EYA2: variants seen among roughly 807,000 people sequenced by gnomAD.
The protein encoded by EYA2 is EYA transcriptional coactivator and phosphatase 2, also known as protein phosphatase EYA2.
Under a neutral mutation model 69.2 loss-of-function variants are expected in EYA2, and 31 were observed. The ratio of observed to expected loss-of-function variants is 0.45; its 90% CI spans 0.34 to 0.60. The LOEUF (loss-of-function observed/expected upper bound fraction) is 0.60. Among genes scored for constraint, EYA2 ranks in the 20% least tolerant of loss-of-function variants. The probability of loss-of-function intolerance (pLI) is 0.02; values close to 1 mark genes in which losing one functional copy is unlikely to be tolerated. For missense variants in EYA2, 622 were observed against 701.2 expected (o/e 0.89, Z 1.28); for synonymous variants, 257 against 279.4 (o/e 0.92, Z 0.80).
chr20:46,938,356 A>G (rs554977450), intron 1 of EYA2, among the ~76,000 whole-genome samples: 1 of 152,378 alleles, frequency 6.6e-6, no homozygotes, highest in African/African-American at 2.4e-5. Context: ...GTGCAGTAGT[A>G]TCTATTACTG....
At chr20:47,080,654 A>G (rs34829233) in intron 7 of EYA2, among the ~76,000 whole-genome samples, 134,684 of 152,170 alleles carry the variant, frequency 0.89, 60,874 homozygotes, top group Non-Finnish European at 0.98. Flanking sequence ...ACACACCTGA[A>G]ACTGAGCAGT....
At position 46,904,071 on chromosome 20, in the gene EYA2, C is replaced by T. The variant is rs951468070; in HGVS notation, c.-11+9084C>T. Reference sequence around the variant, plus strand: ...TGGGCAGTGGTCGATAGCACAGGCCCTGGACTCAGACAGATCTGGCCTGAG... The same window carrying T: ...TGGGCAGTGGTCGATAGCACAGGCCTTGGACTCAGACAGATCTGGCCTGAG... On this transcript the variant is annotated intron_variant, in intron 1 of 15. Transcript: ENST00000327619. Among the ~76,000 whole-genome samples the T allele has an allele frequency of 3.3e-5, 5 of 152,274 alleles. No individual in the cohort carries two copies. In the East Asian group the frequency reaches 5.8e-4, roughly 18 times the overall value.
At chr20:46,958,191 G>C (rs1474373544) in intron 1 of EYA2, among the ~76,000 whole-genome samples, 1 of 152,188 alleles carries the variant, frequency 6.6e-6, no homozygotes, top group Non-Finnish European at 1.5e-5. Flanking sequence ...GGGTTCAGCT[G>C]CGCCTGTGTC....
chr20:47,047,827 G>T (rs1011186151), intron 5 of EYA2, among the ~76,000 whole-genome samples: 13 of 152,176 alleles, frequency 8.5e-5, no homozygotes, highest in African/African-American at 2.7e-4. Flanking sequence ...AAATCAAGGT[G>T]TTGGCAGGGC....
Position 47,045,973 on chromosome 20 carries a change from G to A in EYA2, c.416-26212G>A, listed in dbSNP as rs562878169. Among the ~76,000 whole-genome samples the A allele has an allele frequency of 1.1e-3, 162 of 152,260 alleles. 1 individual carries two copies. Among genetic ancestry groups the A allele is most frequent in the Non-Finnish European group, 1.8e-3 (122 of 68,020 alleles). On this transcript the variant is annotated intron_variant, in intron 5 of 15. Coordinates refer to ENST00000327619, the MANE Select transcript of EYA2 (RefSeq NM_005244.5). ...CGACAGCTAACATCTTAAGGCTAAC[G>A]TCTAAGTCCATTTGGGCTGCTATAA...
chr20:47,093,396 GT>G (rs375682398), intron 8 of EYA2, among the ~76,000 whole-genome samples: 7 of 152,350 alleles, frequency 4.6e-5, no homozygotes, highest in Admixed American at 2.0e-4. Flanking sequence ...GTGAAATGTA[GT>G]TTTATTTAGC....
chr20:47,087,832 C>T (rs1035342365), intron 7 of EYA2, among the ~76,000 whole-genome samples: 1 of 152,260 alleles, frequency 6.6e-6, no homozygotes, highest in Non-Finnish European at 1.5e-5. Context: ...TTCAAGTCAC[C>T]TCCTAACTGC....
At chr20:47,074,099 C>T (rs547319639) in intron 6 of EYA2, 59 bp from the exon 7 acceptor site, 42 of 1,471,912 alleles carry the variant, frequency 2.9e-5, no homozygotes, top group African/African-American at 8.4e-5. Flanking sequence ...GGCTGACCAA[C>T]GGCCCGAGCC....
chr20:47,105,767 A>T (rs2032559475), intron 9 of EYA2, among the ~76,000 whole-genome samples: 1 of 152,106 alleles, frequency 6.6e-6, no homozygotes, highest in African/African-American at 2.4e-5. Context: ...CAGGGCCAGG[A>T]TTAGCCTTTT....
At chr20:46,935,428 T>C (rs558052768) in intron 1 of EYA2, among the ~76,000 whole-genome samples, 22 of 152,336 alleles carry the variant, frequency 1.4e-4, no homozygotes, top group Non-Finnish European at 2.4e-4. Context: ...GGGATAGTGT[T>C]TGGCGCCTAA....
At chr20:47,124,000 G>A (rs1039307945) in intron 9 of EYA2, among the ~76,000 whole-genome samples, 1 of 152,000 alleles carries the variant, frequency 6.6e-6, no homozygotes, top group South Asian at 2.1e-4. Context: ...AAAAAGGTGG[G>A]GGAGTGGGGG....
chr20:46,976,345 A>G lies in EYA2; in HGVS notation c.-10-13656A>G, dbSNP rs181784935. The stretch of plus-strand genomic sequence containing the variant: ...GGCAACACAACAAGGCCCTGTATCT[A>G]TAAAAATAGAATAACTGTTTATGTC... On this transcript the variant is annotated intron_variant, in intron 1 of 15. Transcript: ENST00000327619. Among the ~76,000 whole-genome samples, 213 of 152,304 alleles carry G rather than the reference A, an allele frequency of 1.4e-3. 1 individual carries two copies. The highest frequency in any genetic ancestry group is 6.8e-3 in the Middle Eastern group (2 of 294).
At chr20:46,961,180 C>A (rs1470053285) in intron 1 of EYA2, among the ~76,000 whole-genome samples, 1 of 152,056 alleles carries the variant, frequency 6.6e-6, no homozygotes, top group Non-Finnish European at 1.5e-5. Flanking sequence ...ACTAAAAATA[C>A]AAAAATTAGC....
chr20:47,024,200 A>G (rs1457406777), intron 5 of EYA2, among the ~76,000 whole-genome samples: 2 of 152,202 alleles, frequency 1.3e-5, no homozygotes, highest in Non-Finnish European at 2.9e-5. Context: ...TTATATTCCT[A>G]TAAATACTTT....
chr20:47,182,705 G>A (rs559898968), intron 14 of EYA2, among the ~76,000 whole-genome samples: 90 of 151,168 alleles, frequency 6.0e-4, no homozygotes, highest in African/African-American at 2.1e-3. Flanking sequence ...AGACACTGAG[G>A]TGAGCAGATC....
At chr20:47,064,372 A>G (rs1050537757) in intron 5 of EYA2, among the ~76,000 whole-genome samples, 6 of 152,202 alleles carry the variant, frequency 3.9e-5, no homozygotes, top group African/African-American at 1.4e-4. Flanking sequence ...CATTTTGTTT[A>G]TCCGTTCAGC....
At chr20:47,168,058 A>C (rs1250026287) in intron 10 of EYA2, among the ~76,000 whole-genome samples, 1 of 152,132 alleles carries the variant, frequency 6.6e-6, no homozygotes, top group African/African-American at 2.4e-5. Flanking sequence ...AGTGCCAGCC[A>C]ACGTCCCCGG....
At chr20:47,057,324 C>T (rs1180025489) in intron 5 of EYA2, among the ~76,000 whole-genome samples, 1 of 152,138 alleles carries the variant, frequency 6.6e-6, no homozygotes, top group Non-Finnish European at 1.5e-5. Context: ...TTGCCTTCAC[C>T]ACTTTGTATT....
At chr20:47,000,707 C>G (rs981026788) in intron 2 of EYA2, among the ~76,000 whole-genome samples, 6 of 152,200 alleles carry the variant, frequency 3.9e-5, no homozygotes, top group Non-Finnish European at 5.9e-5. Context: ...TATCGCCTCC[C>G]ATCAATGATT....
Sources: gnomAD v4.1 joint callset for allele counts (sites outside exome capture counted in the v4.1 genomes callset) on GRCh38, gnomAD v4.1.1 for gene constraint, MANE v1.5 for transcripts, NCBI Gene and HGNC (gene_info 2026-07-23, HGNC 2026-07-21) for gene names.